DPP10: variants seen among roughly 807,000 people sequenced by gnomAD.
The protein encoded by DPP10 is inactive dipeptidyl peptidase 10.
A neutral mutation model predicts 120.9 loss-of-function variants in DPP10; 33 were observed. That is an observed-to-expected ratio of 0.27 (90% CI 0.21 to 0.37). The LOEUF (loss-of-function observed/expected upper bound fraction) is 0.37, where lower values mean the gene tolerates loss of function less well. Among genes scored for constraint, DPP10 ranks in the 10% least tolerant of loss-of-function variants. The probability of loss-of-function intolerance (pLI) is 1.00; values close to 1 mark genes in which losing one functional copy is unlikely to be tolerated. For synonymous variants in DPP10, 337 were observed against 326.1 expected (o/e 1.03, Z -0.36); for missense variants, 816 against 942.8 (o/e 0.87, Z 1.76).
At chr2:115,446,539 C>T (rs1321280733) in intron 3 of DPP10, among the ~76,000 whole-genome samples, 1 of 149,012 alleles carries the variant, frequency 6.7e-6, no homozygotes, top group South Asian at 2.2e-4. Flanking sequence ...CAGGAGCACT[C>T]TCTCTTACAG....
At chr2:115,642,324 A>G (rs2086850229) in intron 5 of DPP10, among the ~76,000 whole-genome samples, 1 of 152,160 alleles carries the variant, frequency 6.6e-6, no homozygotes, top group Non-Finnish European at 1.5e-5. Flanking sequence ...TAACATTCAA[A>G]TCAGTGGACT....
At chr2:114,656,928 T>C (rs1404443712) in intron 1 of DPP10, among the ~76,000 whole-genome samples, 1 of 152,012 alleles carries the variant, frequency 6.6e-6, no homozygotes, top group Non-Finnish European at 1.5e-5. Context: ...AAACTAAAAA[T>C]AAAAATAAAA....
intron 5 of DPP10, among the ~76,000 whole-genome samples, chr2:115,577,423 G>C (rs767019727): frequency 1.3e-5 from 2 of 152,182 alleles, no homozygotes; most frequent in African/African-American, 4.8e-5. Flanking sequence ...CGATGGCACT[G>C]ATGATATTAA....
chr2:115,268,619 A>G (rs1574234421), intron 1 of DPP10, among the ~76,000 whole-genome samples: 1 of 152,234 alleles, frequency 6.6e-6, no homozygotes, highest in African/African-American at 2.4e-5. Context: ...AATCAATGAG[A>G]AACAAAGATA....
intron 1 of DPP10, among the ~76,000 whole-genome samples, chr2:115,239,347 A>T (rs2058155243): frequency 6.6e-6 from 1 of 152,202 alleles, no homozygotes; most frequent in Admixed American, 6.5e-5. Context: ...AGGAAAAGTC[A>T]ATCAATGTGG....
intron 19 of DPP10, among the ~76,000 whole-genome samples, chr2:115,806,969 C>G (rs1407900033): frequency 6.6e-6 from 1 of 152,042 alleles, no homozygotes; most frequent in African/African-American, 2.4e-5. Context: ...ATTCTCCTGT[C>G]TTTGGTGTGT....
intron 3 of DPP10, among the ~76,000 whole-genome samples, chr2:115,378,538 C>G (rs1299329232): frequency 6.6e-6 from 1 of 151,340 alleles, no homozygotes. Context: ...ATTGAATACC[C>G]TTTATTTCCT....
Position 114,955,613 on chromosome 2 carries a change from C to G in DPP10, c.61-353626C>G, listed in dbSNP as rs10469803. Among the ~76,000 whole-genome samples the G allele has an allele frequency of 4.0e-3, 610 of 152,316 alleles. 1 individual carries two copies. The highest frequency in any genetic ancestry group is 0.014 in the African/African-American group (597 of 41,578). On this transcript the variant is annotated intron_variant, in intron 1 of 25. Coordinates refer to ENST00000410059, the MANE Select transcript of DPP10 (RefSeq NM_020868.6). Reference sequence around the variant, plus strand: ...AATTTTACAAGGCTAGCATTAGCCTCCTATCGAAACTAAATAAGGACTCTA... The same window carrying G: ...AATTTTACAAGGCTAGCATTAGCCTGCTATCGAAACTAAATAAGGACTCTA...
chr2:115,334,061 A>C (rs893732969), intron 2 of DPP10, among the ~76,000 whole-genome samples: 7 of 151,730 alleles, frequency 4.6e-5, no homozygotes, highest in African/African-American at 1.7e-4. Flanking sequence ...CCAAGTTGGA[A>C]AACACTCTGC....
chr2:115,337,238 AG>A (rs1351659951), intron 2 of DPP10, among the ~76,000 whole-genome samples: 1 of 151,896 alleles, frequency 6.6e-6, no homozygotes, highest in Non-Finnish European at 1.5e-5. Flanking sequence ...GGGCAAGTTG[AG>A]GCAGAATGGG....
intron 1 of DPP10, among the ~76,000 whole-genome samples, chr2:114,785,987 C>T (rs1468795883): frequency 2.6e-5 from 4 of 152,216 alleles, no homozygotes; most frequent in Non-Finnish European, 5.9e-5. Flanking sequence ...CTTGTTTCAG[C>T]ACACACAGCC....
intron 4 of DPP10, among the ~76,000 whole-genome samples, chr2:115,500,472 C>T (rs188524390): frequency 4.0e-4 from 61 of 151,750 alleles, no homozygotes; most frequent in Admixed American, 7.9e-4. Flanking sequence ...TTAAAATAAA[C>T]GTTTAATCTT....
intron 19 of DPP10, among the ~76,000 whole-genome samples, chr2:115,800,716 T>C (rs1318759763): frequency 2.0e-5 from 3 of 152,202 alleles, no homozygotes; most frequent in Admixed American, 1.3e-4. Flanking sequence ...TGCTTGTTTT[T>C]GTCAGGTTTG....
At chr2:115,833,701 A>G (rs1348808879) in intron 21 of DPP10, among the ~76,000 whole-genome samples, 2 of 152,198 alleles carry the variant, frequency 1.3e-5, no homozygotes, top group Admixed American at 1.3e-4. Flanking sequence ...AAAATATTCT[A>G]TACAATTACT....
chr2:114,913,398 G>A (rs1165938396), intron 1 of DPP10, among the ~76,000 whole-genome samples: 1 of 152,164 alleles, frequency 6.6e-6, no homozygotes, highest in African/African-American at 2.4e-5. Flanking sequence ...CTCCAGTGCA[G>A]GAAGTGCATA....
At chr2:115,550,656 A>G (rs555297052) in intron 5 of DPP10, among the ~76,000 whole-genome samples, 1 of 152,300 alleles carries the variant, frequency 6.6e-6, no homozygotes, top group Non-Finnish European at 1.5e-5. Context: ...TGTTAAAGAG[A>G]ATCAACTATA....
chr2:114,460,988 G>A lies in DPP10; in HGVS notation c.60+18150G>A, dbSNP rs1016251728. 2.6e-5 allele frequency among the ~76,000 whole-genome samples: 4 copies of A among 152,040 alleles called. No homozygotes were observed. In the East Asian group the frequency reaches 5.8e-4, roughly 22 times the overall value. On this transcript the variant is annotated intron_variant, in intron 1 of 25. Transcript: ENST00000410059. The stretch of plus-strand genomic sequence containing the variant: ...TTCATGACTATGATGTGTTTTATGC[G>A]GCTTTTTATACCCACTGTTTTGGAA...
At chr2:115,212,904 T>C (rs1316917279) in intron 1 of DPP10, among the ~76,000 whole-genome samples, 1 of 152,174 alleles carries the variant, frequency 6.6e-6, no homozygotes, top group Admixed American at 6.6e-5. Flanking sequence ...GTTTATCACA[T>C]ATGGAGTTGA....
intron 3 of DPP10, among the ~76,000 whole-genome samples, chr2:115,456,088 C>A (rs1327403990): frequency 6.6e-6 from 1 of 151,832 alleles, no homozygotes; most frequent in Non-Finnish European, 1.5e-5. Flanking sequence ...GGCTAATATC[C>A]AAAATCTACA....
Sources: gnomAD v4.1 joint callset for allele counts (sites outside exome capture counted in the v4.1 genomes callset) on GRCh38, gnomAD v4.1.1 for gene constraint, MANE v1.5 for transcripts, NCBI Gene and HGNC (gene_info 2026-07-23, HGNC 2026-07-21) for gene names.